The following CNOT1 variants were observed in gnomAD, a reference collection of about 807,000 sequenced individuals.
The protein encoded by CNOT1 is CCR4-NOT transcription complex subunit 1, also known as CCR4-associated factor 1.
Under a neutral mutation model 273.8 loss-of-function variants are expected in CNOT1, and 15 were observed. The observed-to-expected ratio is 0.05, with a 90% CI of 0.04 to 0.08. The LOEUF is 0.08. Ranked by LOEUF, CNOT1 falls within the 10% of genes least tolerant of loss-of-function variation. The probability of loss-of-function intolerance (pLI) is 1.00; values close to 1 mark genes in which losing one functional copy is unlikely to be tolerated. For synonymous variants in CNOT1, 1,022 were observed against 1,005.5 expected, an observed-to-expected ratio of 1.02 and a Z score of -0.31; for missense variants, 1,644 against 2,912.2, an observed-to-expected ratio of 0.56 and a Z score of 10.02.
intron 3 of CNOT1, 82 bp downstream of exon 3, chr16:58,588,717 T>G (rs2041957051): frequency 6.6e-7 from 1 of 1,509,256 alleles, no homozygotes; most frequent in African/African-American, 1.4e-5. Flanking sequence ...ATTTTGTACG[T>G]GTCATATGCT....
chr16:58,554,432 T>C (rs1468228493), intron 21 of CNOT1, among the ~76,000 whole-genome samples: 2 of 152,204 alleles, frequency 1.3e-5, no homozygotes, highest in African/African-American at 2.4e-5. Flanking sequence ...ATCCCATCAC[T>C]GTGGGAGGCA....
intron 36 of CNOT1, 81 bp downstream of exon 36, chr16:58,538,691 C>T (rs1009603553): frequency 6.4e-7 from 1 of 1,568,602 alleles, no homozygotes; most frequent in Non-Finnish European, 8.6e-7. Context: ...AAAAGGGAAA[C>T]CCCTGGACAT....
intron 16 of CNOT1, among the ~76,000 whole-genome samples, chr16:58,563,942 C>T (rs1280965901): frequency 6.6e-6 from 1 of 152,182 alleles, no homozygotes; most frequent in African/African-American, 2.4e-5. Flanking sequence ...GTATGTGATA[C>T]AAAAGCGAAA....
chr16:58,586,216 T>C (rs1444705592), intron 7 of CNOT1, among the ~76,000 whole-genome samples: 1 of 88,784 alleles, frequency 1.1e-5, no homozygotes, highest in Non-Finnish European at 2.2e-5. Context: ...CCAGCTGATG[T>C]TGTCTCTTTT....
intron 1 of CNOT1, among the ~76,000 whole-genome samples, chr16:58,602,048 A>C (rs1455586311): frequency 6.6e-6 from 1 of 151,722 alleles, no homozygotes; most frequent in Non-Finnish European, 1.5e-5. Context: ...TTAGTAATCT[A>C]CTTCAGTCCT....
At chr16:58,593,968 G>A (rs1243090871) in intron 2 of CNOT1, among the ~76,000 whole-genome samples, 1 of 152,238 alleles carries the variant, frequency 6.6e-6, no homozygotes, top group South Asian at 2.1e-4. Flanking sequence ...GGCAAGGCCA[G>A]GCATGGTGGC....
chr16:58,547,292 A>G lies in CNOT1; in HGVS notation c.3644T>C (p.Leu1215Ser), dbSNP rs1441852427. The G allele has an allele frequency of 6.2e-7, 1 of 1,613,528 alleles. No homozygotes were observed. Among genetic ancestry groups the G allele is most frequent in the Non-Finnish European group, 8.5e-7 (1 of 1,179,796 alleles). ...CTCTAGCAGCAATGATTTCACATCC[A>G]AGTCCTAGAATAAGAAAAATACTTT... ...AKNKPILHTD[L>S]DVKSLLLEAY... is the part of the protein sequence containing the mutation. The change falls in exon 27 of 49, where the codon TTG becomes TCG. Residue 1215 changes from leucine (L) to serine (S), a missense_variant. Physicochemically the swap from Leu to Ser is moderately radical, Grantham distance 145. Around this residue, in one of 13 missense-constraint regions of CNOT1, gnomAD observed 124 missense variants for 289.3 expected, o/e 0.43. Transcript: ENST00000317147. This position sits in a 1 kb window ranked among gnomAD's most constrained non-coding sequence, Gnocchi z 4.0.
intron 2 of CNOT1, 41 bp downstream of exon 2, chr16:58,599,195 C>A (rs780698616): frequency 6.2e-7 from 1 of 1,613,116 alleles, no homozygotes; most frequent in Non-Finnish European, 8.5e-7. Flanking sequence ...ACTGTCTACT[C>A]ATTCCTTTAA....
At chr16:58,541,746 G>T in intron 33 of CNOT1, 126 bp from the exon 34 acceptor site, 1 of 860,336 alleles carries the variant, frequency 1.2e-6, no homozygotes, top group Non-Finnish European at 1.8e-6. Flanking sequence ...ATAACAGCAT[G>T]ATTAAGCATG....
chr16:58,528,273 G>C (rs755394323), intron 44 of CNOT1: 85 of 611,678 alleles, frequency 1.4e-4, no homozygotes, highest in Non-Finnish European at 1.9e-4. Flanking sequence ...GAAAAATGCT[G>C]TGAACCAATA....
At chr16:58,532,914 T>A (rs2039814939) in intron 40 of CNOT1, 1 of 155,122 alleles carries the variant, frequency 6.4e-6, no homozygotes, top group Non-Finnish European at 1.4e-5. Context: ...TTACAAGTAT[T>A]TTTGCATTGT....
intron 2 of CNOT1, among the ~76,000 whole-genome samples, chr16:58,596,554 G>A (rs1299909515): frequency 6.6e-6 from 1 of 152,024 alleles, no homozygotes; most frequent in Non-Finnish European, 1.5e-5. Flanking sequence ...AGGGCAAGGT[G>A]TTTTCATCAG....
chr16:58,611,563 G>A (rs1283433305), intron 1 of CNOT1, among the ~76,000 whole-genome samples: 2 of 152,218 alleles, frequency 1.3e-5, no homozygotes, highest in Non-Finnish European at 2.9e-5. Context: ...GCTCACGCCT[G>A]TAATCCCAAC....
At chr16:58,541,674 T>TTTCAAAAAAAA (rs2040098994) in intron 33 of CNOT1, 54 bp from the exon 34 acceptor site, 4 of 1,589,682 alleles carry the variant, frequency 2.5e-6, no homozygotes, top group Non-Finnish European at 3.4e-6. Flanking sequence ...CAAAATAAAC[T>TTTCAAAAAAAA]GTTTTGAAAG....
chr16:58,528,376 C>G, intron 44 of CNOT1, 99 bp downstream of exon 44: 1 of 806,446 alleles, frequency 1.2e-6, no homozygotes, highest in South Asian at 1.4e-5. Flanking sequence ...TAATAGTGTG[C>G]GTGTTATGTT....
chr16:58,587,986 T>C (rs944971799), intron 3 of CNOT1, 108 bp from the exon 4 acceptor site: 135 of 1,098,374 alleles, frequency 1.2e-4, no homozygotes, highest in Admixed American at 1.6e-4. Context: ...TATACTGTTA[T>C]ATATTATCAA....
chr16:58,603,410 T>A (rs1330195491), intron 1 of CNOT1, among the ~76,000 whole-genome samples: 1 of 3,708 alleles, frequency 2.7e-4, no homozygotes, highest in Non-Finnish European at 5.4e-4. Context: ...AATTTAAAAG[T>A]GTGTGTGTGT....
chr16:58,628,623 G>A (rs1394677005), intron 1 of CNOT1, among the ~76,000 whole-genome samples: 9 of 149,254 alleles, frequency 6.0e-5, no homozygotes, highest in African/African-American at 2.0e-4. Flanking sequence ...AACCCAAGTA[G>A]TCACAGGCTA....
At chr16:58,608,630 A>G (rs931667952) in intron 1 of CNOT1, among the ~76,000 whole-genome samples, 1 of 141,884 alleles carries the variant, frequency 7.0e-6, no homozygotes, top group African/African-American at 2.7e-5. Context: ...TCTGTCCAGA[A>G]GAAAAGAAAT....
Sources: gnomAD v4.1 joint callset for allele counts (sites outside exome capture counted in the v4.1 genomes callset) on GRCh38, gnomAD v4.1.1 for gene constraint, gnomAD v4.1.1 regional missense constraint, Gnocchi (gnomAD v3.1) non-coding constraint, MANE v1.5 for transcripts, NCBI Gene and HGNC (gene_info 2026-07-23, HGNC 2026-07-21) for gene names.